C9: variants seen among roughly 807,000 people sequenced by gnomAD.
C9 encodes the protein complement component C9.
Under a neutral mutation model 65.4 loss-of-function variants are expected in C9, and 63 were observed. That is an observed-to-expected ratio of 0.96 (90% CI 0.79 to 1.19). The LOEUF is 1.19. Among genes scored for constraint, C9 ranks in the 50% most tolerant of loss-of-function variants. The pLI, the probability that C9 is intolerant of heterozygous loss-of-function variation, is 0.00. For synonymous variants in C9, 229 were observed against 227.9 expected, an observed-to-expected ratio of 1.00 and a Z score of -0.04; for missense variants, 744 against 670.1, an observed-to-expected ratio of 1.11 and a Z score of -1.22.
intron 9 of C9, among the ~76,000 whole-genome samples, chr5:39,296,312 CAACT>C (rs1194031179): frequency 8.6e-5 from 13 of 151,608 alleles, no homozygotes; most frequent in Admixed American, 8.6e-4. Context: ...GGAACTCAAA[CAACT>C]AACAACAACA....
rs190191966 is a variant in C9 at position 39,336,708 on chromosome 5, G to T, written c.476+4438C>A. On this transcript the variant is annotated intron_variant, in intron 4 of 10. Transcript: ENST00000263408. The stretch of plus-strand genomic sequence containing the variant: ...TTGAGTCCTACTTTTCATTTTTATA[G>T]TTGTAAGTGCTGAGAAGTTTTACTC... Among the ~76,000 whole-genome samples the T allele has an allele frequency of 6.3e-3, 959 of 152,172 alleles. 10 individuals carry two copies. Among genetic ancestry groups the T allele is most frequent in the African/African-American group, 0.021 (872 of 41,522 alleles).
At chr5:39,306,595 T>C (rs1398925157) in intron 9 of C9, 22 bp downstream of exon 9, 1 of 1,588,132 alleles carries the variant, frequency 6.3e-7, no homozygotes, top group Non-Finnish European at 8.6e-7. Flanking sequence ...GTCTTCTGTT[T>C]GAAAATAAAC....
intron 9 of C9, among the ~76,000 whole-genome samples, chr5:39,303,539 T>C (rs1019382558): frequency 6.1e-5 from 9 of 148,578 alleles, no homozygotes; most frequent in Admixed American, 2.0e-4. Flanking sequence ...AAATTATATT[T>C]ATAATTATAT....
At chr5:39,340,514 A>G (rs938229973) in intron 4 of C9, among the ~76,000 whole-genome samples, 2 of 152,226 alleles carry the variant, frequency 1.3e-5, no homozygotes, top group African/African-American at 4.8e-5. Context: ...TCTATTCTGT[A>G]TAATCCTGAG....
At chr5:39,338,270 C>G (rs923956069) in intron 4 of C9, among the ~76,000 whole-genome samples, 31 of 152,012 alleles carry the variant, frequency 2.0e-4, no homozygotes, top group African/African-American at 7.3e-4. Flanking sequence ...TTAAGACTTA[C>G]GGATTTTGTA....
chr5:39,318,738 T>C (rs909348016), intron 5 of C9, among the ~76,000 whole-genome samples: 2 of 152,114 alleles, frequency 1.3e-5, no homozygotes, highest in Non-Finnish European at 2.9e-5. Flanking sequence ...GTGGTTGTTC[T>C]GCATGAGAAA....
At chr5:39,348,360 G>A (rs1302919140) in intron 1 of C9, among the ~76,000 whole-genome samples, 2 of 152,256 alleles carry the variant, frequency 1.3e-5, no homozygotes, top group African/African-American at 2.4e-5. Flanking sequence ...AGTGGGCAAA[G>A]GATATGAACA....
rs192658519 is a variant in C9 at position 39,316,485 on chromosome 5, C to T, written c.616-456G>A. ...TAAGCCCAACATCCATTAGCTATTC[C>T]TCCTGATGCTCTGTCACCCCTACCC... is the stretch of plus-strand genomic sequence containing the variant. On this transcript the variant is annotated intron_variant, in intron 5 of 10. Coordinates refer to ENST00000263408, the MANE Select transcript of C9 (RefSeq NM_001737.5). Among the ~76,000 whole-genome samples the T allele has an allele frequency of 6.3e-3, 963 of 152,258 alleles. 5 individuals carry two copies. Among genetic ancestry groups the T allele is most frequent in the Non-Finnish European group, 0.011 (741 of 68,006 alleles).
intron 1 of C9, among the ~76,000 whole-genome samples, chr5:39,347,016 G>A (rs189105453): frequency 0.023 from 3,486 of 152,150 alleles, 129 homozygotes; most frequent in African/African-American, 0.08. Context: ...TTGATGGGAC[G>A]TATCTAAAAA....
At chr5:39,327,006 T>C (rs1198857390) in intron 5 of C9, among the ~76,000 whole-genome samples, 1 of 152,162 alleles carries the variant, frequency 6.6e-6, no homozygotes, top group East Asian at 1.9e-4. Flanking sequence ...TATTCTGTGG[T>C]AAATAAAAGG....
At chr5:39,289,738 C>A (rs1325358093) in intron 9 of C9, among the ~76,000 whole-genome samples, 1 of 151,788 alleles carries the variant, frequency 6.6e-6, no homozygotes, top group Non-Finnish European at 1.5e-5. Flanking sequence ...TTCTAGTGAA[C>A]ATGTGAGCCT....
chr5:39,335,155 G>T (rs1753938403), intron 4 of C9, among the ~76,000 whole-genome samples: 1 of 152,150 alleles, frequency 6.6e-6, no homozygotes, highest in Non-Finnish European at 1.5e-5. Context: ...CTACATATCT[G>T]GTGTGGCTAC....
chr5:39,336,043 A>C (rs1753957904), intron 4 of C9, among the ~76,000 whole-genome samples: 1 of 152,084 alleles, frequency 6.6e-6, no homozygotes, highest in Non-Finnish European at 1.5e-5. Flanking sequence ...TGCAAAGAAT[A>C]TAATTCCTAA....
intron 1 of C9, among the ~76,000 whole-genome samples, chr5:39,357,235 A>T (rs1754426903): frequency 6.6e-6 from 1 of 152,232 alleles, no homozygotes; most frequent in Non-Finnish European, 1.5e-5. Context: ...AATAAATATG[A>T]TAATGTGGCT....
chr5:39,316,057 A>C, intron 5 of C9, 28 bp from the exon 6 acceptor site: 1 of 1,589,202 alleles, frequency 6.3e-7, no homozygotes, highest in Admixed American at 1.7e-5. Flanking sequence ...AGTGTTGTTA[A>C]AAACAAGATA....
chr5:39,294,379 G>C (rs1359831593), intron 9 of C9, among the ~76,000 whole-genome samples: 1 of 151,634 alleles, frequency 6.6e-6, no homozygotes, highest in African/African-American at 2.4e-5. Flanking sequence ...CAAAAATAGA[G>C]ATATCACAAC....
At chr5:39,328,967 GC>G (rs1753799064) in intron 5 of C9, among the ~76,000 whole-genome samples, 1 of 152,182 alleles carries the variant, frequency 6.6e-6, no homozygotes, top group Non-Finnish European at 1.5e-5. Flanking sequence ...CGAAAACTAT[GC>G]TTATAATCTG....
intron 1 of C9, among the ~76,000 whole-genome samples, chr5:39,358,704 G>T (rs1754452913): frequency 6.6e-6 from 1 of 152,044 alleles, no homozygotes; most frequent in African/African-American, 2.4e-5. Flanking sequence ...GATAGTACCG[G>T]GCCGGGCGCG....
chr5:39,334,112 A>G (rs565790496), intron 4 of C9, among the ~76,000 whole-genome samples: 2 of 125,580 alleles, frequency 1.6e-5, no homozygotes, highest in East Asian at 2.5e-4. Flanking sequence ...CTGGCTGCCC[A>G]GTCTGGAAAG....
Sources: allele counts gnomAD v4.1 joint callset (sites outside exome capture counted in the v4.1 genomes callset), GRCh38; gene constraint gnomAD v4.1.1; transcripts MANE v1.5; gene names NCBI Gene and HGNC (gene_info 2026-07-23, HGNC 2026-07-21).